The following XNDC1N variants were observed in gnomAD, a reference collection of about 807,000 sequenced individuals.
XNDC1N encodes protein XNDC1N.
the XNDC1N span, among the ~76,000 whole-genome samples, chr11:71,888,784 G>A: frequency 2.0e-5 from 3 of 152,200 alleles, no homozygotes; most frequent in African/African-American, 4.8e-5. Context: ...ATTGGCTAAC[G>A]AATGCCACAC....
At chr11:71,916,027 G>C in the XNDC1N span, 6 of 685,628 alleles carry the variant, frequency 8.8e-6, no homozygotes, top group Non-Finnish European at 1.3e-5. Context: ...ACAGAAACCT[G>C]AAAAGGAAGG....
the XNDC1N span, chr11:71,914,558 G>A: frequency 4.8e-5 from 17 of 352,368 alleles, no homozygotes; most frequent in African/African-American, 2.2e-4. Flanking sequence ...GTGGTGCTGC[G>A]TGTCTGTAAT....
the XNDC1N span, chr11:71,928,452 C>T: frequency 2.8e-6 from 2 of 702,352 alleles, no homozygotes; most frequent in East Asian, 2.7e-5. Context: ...TTCTGACCTT[C>T]GCCTTCTGAC....
the XNDC1N span, among the ~76,000 whole-genome samples, chr11:71,877,492 G>T: frequency 6.6e-6 from 1 of 152,208 alleles, no homozygotes; most frequent in Non-Finnish European, 1.5e-5. Flanking sequence ...ACAAAACTTA[G>T]CCAGGCATGG....
the XNDC1N span, among the ~76,000 whole-genome samples, chr11:71,868,135 G>A: frequency 6.6e-6 from 1 of 152,108 alleles, no homozygotes; most frequent in Non-Finnish European, 1.5e-5. Flanking sequence ...CCATTTGCTT[G>A]GCAGATCTTT....
chr11:71,873,207 T>C, the XNDC1N span, among the ~76,000 whole-genome samples: 29,634 of 151,836 alleles, frequency 0.2, 5,295 homozygotes, highest in African/African-American at 0.47. Context: ...TTGAGCAGTA[T>C]GCTGCTTTCA....
the XNDC1N span, among the ~76,000 whole-genome samples, chr11:71,886,836 G>A: frequency 2.6e-5 from 4 of 152,254 alleles, no homozygotes; most frequent in East Asian, 3.9e-4. Context: ...GCGATATGCC[G>A]ACCTGTTTGT....
At chr11:71,899,834 G>A in the XNDC1N span, among the ~76,000 whole-genome samples, 2 of 152,206 alleles carry the variant, frequency 1.3e-5, no homozygotes, top group Non-Finnish European at 2.9e-5. Context: ...ATTAGTCAAA[G>A]AGGAAAGCCT....
chr11:71,923,808 G>A, the XNDC1N span, among the ~76,000 whole-genome samples: 1 of 152,058 alleles, frequency 6.6e-6, no homozygotes, highest in South Asian at 2.1e-4. Context: ...ACCCGCCTCG[G>A]ACTCCCAAAG....
chr11:71,873,156 GT>G, the XNDC1N span, among the ~76,000 whole-genome samples: 3 of 104,630 alleles, frequency 2.9e-5, no homozygotes, highest in Non-Finnish European at 4.9e-5. Flanking sequence ...TTTTGTTTCA[GT>G]TTTTTTCTAT....
At chr11:71,906,477 A>C in the XNDC1N span, among the ~76,000 whole-genome samples, 1 of 152,150 alleles carries the variant, frequency 6.6e-6, no homozygotes, top group Non-Finnish European at 1.5e-5. Flanking sequence ...CGAGGATATA[A>C]GGAATAATAT....
At chr11:71,900,739 G>A in the XNDC1N span, among the ~76,000 whole-genome samples, 1 of 152,190 alleles carries the variant, frequency 6.6e-6, no homozygotes, top group Non-Finnish European at 1.5e-5. Flanking sequence ...TAAAGGCCAG[G>A]CTCTGAGCTC....
At chr11:71,890,752 G>A in the XNDC1N span, among the ~76,000 whole-genome samples, 402 of 149,340 alleles carry the variant, frequency 2.7e-3, 2 homozygotes, top group African/African-American at 9.6e-3. Flanking sequence ...ATATCGTAGG[G>A]GTGGGGGATG....
chr11:71,907,505 C>T, the XNDC1N span, among the ~76,000 whole-genome samples: 4 of 151,868 alleles, frequency 2.6e-5, no homozygotes, highest in South Asian at 2.1e-4. Flanking sequence ...GGTGGACTCA[C>T]AGCCTGTTTA....
chr11:71,899,832 A>G, the XNDC1N span, among the ~76,000 whole-genome samples: 1 of 152,204 alleles, frequency 6.6e-6, no homozygotes, highest in East Asian at 1.9e-4. Flanking sequence ...GGATTAGTCA[A>G]AGAGGAAAGC....
At chr11:71,925,513 A>C in the XNDC1N span, among the ~76,000 whole-genome samples, 1 of 152,180 alleles carries the variant, frequency 6.6e-6, no homozygotes. Context: ...ATGAGTCCTG[A>C]GTCTCCTCTC....
At chr11:71,922,287 G>T in the XNDC1N span, among the ~76,000 whole-genome samples, 1 of 151,754 alleles carries the variant, frequency 6.6e-6, no homozygotes, top group African/African-American at 2.4e-5. Context: ...ATCCTCTAAG[G>T]GTTTTTTTGT....
At chr11:71,924,978 C>A in the XNDC1N span, among the ~76,000 whole-genome samples, 1 of 152,010 alleles carries the variant, frequency 6.6e-6, no homozygotes, top group African/African-American at 2.4e-5. Flanking sequence ...CCATAATGGT[C>A]TTTTTCTTAC....
the XNDC1N span, among the ~76,000 whole-genome samples, chr11:71,868,738 A>C: frequency 1.3e-5 from 2 of 152,048 alleles, no homozygotes; most frequent in Non-Finnish European, 2.9e-5. Context: ...GACCTTGGAG[A>C]ATCTGATGAC....
Sources: allele counts gnomAD v4.1 joint callset (sites outside exome capture counted in the v4.1 genomes callset), GRCh38; gene constraint gnomAD v4.1.1; transcripts MANE v1.5; gene names NCBI Gene and HGNC (gene_info 2026-07-23, HGNC 2026-07-21).